PLA2G4A: variants seen among roughly 807,000 people sequenced by gnomAD.
PLA2G4A encodes phospholipase A2 group IVA, also known as cytosolic phospholipase A2.
Under a neutral mutation model 81.9 loss-of-function variants are expected in PLA2G4A, and 40 were observed. The observed-to-expected ratio is 0.49, with a 90% CI of 0.38 to 0.64. The LOEUF (loss-of-function observed/expected upper bound fraction) is 0.64. PLA2G4A is among the 30% of genes least tolerant of loss of function. The pLI is 0.00. For synonymous variants in PLA2G4A, 302 were observed against 296.9 expected (o/e 1.02, Z -0.18); for missense variants, 715 against 905.1 (o/e 0.79, Z 2.69).
intron 1 of PLA2G4A, among the ~76,000 whole-genome samples, chr1:186,837,736 C>CCAAAAAAAAAAAAAAAAAAAA (rs1553267317): frequency 1.8e-5 from 1 of 55,232 alleles, no homozygotes. Context: ...GACTCCGTCT[C>CCAAAAAAAAAAAAAAAAAAAA]AAAAAAAAAA....
At chr1:186,886,551 G>C (rs560933811) in intron 3 of PLA2G4A, among the ~76,000 whole-genome samples, 2 of 152,200 alleles carry the variant, frequency 1.3e-5, no homozygotes, top group East Asian at 3.9e-4. Flanking sequence ...AGTATTCAGA[G>C]GCATTTCGTT....
At chr1:186,906,883 C>G (rs1270079557) in intron 5 of PLA2G4A, 82 bp from the exon 6 acceptor site, 2 of 746,998 alleles carry the variant, frequency 2.7e-6, no homozygotes, top group African/African-American at 3.5e-5. Context: ...ATCTGGCACT[C>G]AAAATTTATT....
chr1:186,937,356 T>C (rs1655989332), intron 8 of PLA2G4A, among the ~76,000 whole-genome samples: 1 of 151,986 alleles, frequency 6.6e-6, no homozygotes, highest in Non-Finnish European at 1.5e-5. Context: ...TATCATATCT[T>C]TTTTGATTTG....
Position 186,851,174 on chromosome 1 carries a change from G to T in PLA2G4A, c.-69-3112G>T, listed in dbSNP as rs146240552. ...CACCAAATTATGCTGCTTCAATAAA[G>T]AAAATAATTGGCTTTCCTTAATCCT... is the stretch of plus-strand genomic sequence containing the variant. On this transcript the variant is annotated intron_variant, in intron 1 of 17. Transcript: ENST00000367466. 6.5e-3 allele frequency among the ~76,000 whole-genome samples: 982 copies of T among 152,062 alleles called. 15 individuals carry two copies. Among genetic ancestry groups the T allele is most frequent in the African/African-American group, 0.022 (931 of 41,532 alleles).
chr1:186,937,913 A>G (rs968962784), intron 8 of PLA2G4A, among the ~76,000 whole-genome samples: 1 of 152,082 alleles, frequency 6.6e-6, no homozygotes, highest in African/African-American at 2.4e-5. Flanking sequence ...TAACCAACAC[A>G]GTGCCCAGAA....
intron 2 of PLA2G4A, among the ~76,000 whole-genome samples, chr1:186,859,578 G>A (rs1045128196): frequency 6.6e-6 from 1 of 151,984 alleles, no homozygotes; most frequent in African/African-American, 2.4e-5. Context: ...TTCACATTAG[G>A]GACAGTAAAC....
chr1:186,920,539 A>G (rs1655312485), intron 7 of PLA2G4A, among the ~76,000 whole-genome samples: 1 of 152,228 alleles, frequency 6.6e-6, no homozygotes, highest in South Asian at 2.1e-4. Flanking sequence ...TCAGTCCAGT[A>G]GCCCTTCAGC....
At chr1:186,978,681 G>T (rs1165533665) in intron 16 of PLA2G4A, among the ~76,000 whole-genome samples, 1 of 152,186 alleles carries the variant, frequency 6.6e-6, no homozygotes, top group Non-Finnish European at 1.5e-5. Flanking sequence ...GCATGTGTAG[G>T]GGATTTCCAT....
intron 1 of PLA2G4A, among the ~76,000 whole-genome samples, chr1:186,836,143 T>G (rs1222524200): frequency 6.6e-6 from 1 of 151,796 alleles, no homozygotes; most frequent in Non-Finnish European, 1.5e-5. Context: ...GATCAATATA[T>G]TATGTATTAA....
Position 186,953,045 on chromosome 1 carries a change from C to A in PLA2G4A, c.1336+2317C>A, listed in dbSNP as rs10752986. ...AAAAATCTATGTACATGTTTTGGTG[C>A]AGACACAGATTTTTCAGTTTATTTG... On this transcript the variant is annotated intron_variant, in intron 13 of 17. Coordinates refer to ENST00000367466, the MANE Select transcript of PLA2G4A (RefSeq NM_024420.3). 4.5e-3 allele frequency among the ~76,000 whole-genome samples: 686 copies of A among 152,296 alleles called. 8 individuals carry two copies. The highest frequency in any genetic ancestry group is 0.016 in the African/African-American group (646 of 41,572).
At chr1:186,921,568 G>A (rs1265176226) in intron 7 of PLA2G4A, among the ~76,000 whole-genome samples, 2 of 152,086 alleles carry the variant, frequency 1.3e-5, no homozygotes, top group African/African-American at 2.4e-5. Flanking sequence ...AGCTGTCAAC[G>A]GAGAAGTTTC....
chr1:186,880,625 T>C (rs567748872), intron 3 of PLA2G4A, among the ~76,000 whole-genome samples: 1 of 152,144 alleles, frequency 6.6e-6, no homozygotes, highest in East Asian at 1.9e-4. Flanking sequence ...CTCTTTTTAA[T>C]GAAAAAGAAT....
chr1:186,890,003 T>G (rs1403715633), intron 3 of PLA2G4A, among the ~76,000 whole-genome samples: 3 of 152,220 alleles, frequency 2.0e-5, no homozygotes, highest in African/African-American at 7.2e-5. Flanking sequence ...ATGCTTAATA[T>G]TTCTCAGTTC....
rs141924437 is a variant in PLA2G4A, at chr1:186,966,430, T to C, written c.1764+837T>C. On this transcript the variant is annotated intron_variant, in intron 15 of 17. Coordinates refer to ENST00000367466, the MANE Select transcript of PLA2G4A (RefSeq NM_024420.3). Reference sequence around the variant, plus strand: ...TTGAAATGTCTACGCTGGGGGAAAATGGCAGCAGATGAAGATTTATCATTA... The same window carrying C: ...TTGAAATGTCTACGCTGGGGGAAAACGGCAGCAGATGAAGATTTATCATTA... 2.3e-4 allele frequency among the ~76,000 whole-genome samples: 35 copies of C among 152,000 alleles called. No individual in the cohort carries two copies. The East Asian group carries it at 5.6e-3, about 24-fold the overall frequency.
At chr1:186,850,089 G>A (rs1652320203) in intron 1 of PLA2G4A, among the ~76,000 whole-genome samples, 1 of 152,126 alleles carries the variant, frequency 6.6e-6, no homozygotes, top group South Asian at 2.1e-4. Context: ...ATTGCTGTTA[G>A]TGAGTCATGA....
chr1:186,970,642 G>A lies in PLA2G4A; in HGVS notation c.1764+5049G>A, dbSNP rs143337593. Among the ~76,000 whole-genome samples the A allele has an allele frequency of 8.5e-3, 1,288 of 151,946 alleles. 20 individuals carry two copies. The highest frequency in any genetic ancestry group is 0.029 in the African/African-American group (1,217 of 41,508). On this transcript the variant is annotated intron_variant, in intron 15 of 17. Transcript: ENST00000367466. ...CTGCATGTGGATATTCAGTTTTCCCGGAACCATTTTTTGAAGAGACTATCC... is the reference window on the plus strand; with the variant it reads ...CTGCATGTGGATATTCAGTTTTCCCAGAACCATTTTTTGAAGAGACTATCC...
At chr1:186,830,936 A>AGCTAGCTAGCTT (rs1651535040) in intron 1 of PLA2G4A, among the ~76,000 whole-genome samples, 3 of 126,942 alleles carry the variant, frequency 2.4e-5, no homozygotes, top group African/African-American at 9.5e-5. Flanking sequence ...CAGATTGTAT[A>AGCTAGCTAGCTT]GCTTGCTTGC....
intron 1 of PLA2G4A, among the ~76,000 whole-genome samples, chr1:186,829,325 A>G (rs1651467389): frequency 6.6e-6 from 1 of 152,154 alleles, no homozygotes; most frequent in African/African-American, 2.4e-5. Context: ...TAGCATTCAA[A>G]ACGGCGGTGA....
intron 5 of PLA2G4A, among the ~76,000 whole-genome samples, chr1:186,899,191 A>G (rs1301437386): frequency 2.6e-5 from 4 of 152,208 alleles, no homozygotes; most frequent in Non-Finnish European, 5.9e-5. Flanking sequence ...TTTAGTTAAG[A>G]AAGGTATCTT....
Sources: gnomAD v4.1 joint callset for allele counts (sites outside exome capture counted in the v4.1 genomes callset) on GRCh38, gnomAD v4.1.1 for gene constraint, MANE v1.5 for transcripts, NCBI Gene and HGNC (gene_info 2026-07-23, HGNC 2026-07-21) for gene names.